Variants in BBX observed in about 807,000 individuals in gnomAD.
BBX encodes the protein HMG box transcription factor BBX.
BBX carries 30 observed loss-of-function variants against 100.2 expected under a neutral mutation model. That is an observed-to-expected ratio of 0.30 (90% CI 0.22 to 0.41). The LOEUF (loss-of-function observed/expected upper bound fraction) is 0.41, where lower values mean the gene tolerates loss of function less well. Ranked by LOEUF, BBX falls within the 10% of genes least tolerant of loss-of-function variation. The probability of loss-of-function intolerance (pLI) is 1.00; values close to 1 mark genes in which losing one functional copy is unlikely to be tolerated. For synonymous variants in BBX, 376 were observed against 388.1 expected, an observed-to-expected ratio of 0.97 and a Z score of 0.37; for missense variants, 1,023 against 1,129.8, an observed-to-expected ratio of 0.91 and a Z score of 1.35.
intron 2 of BBX, among the ~76,000 whole-genome samples, chr3:107,589,352 G>T (rs2053122913): frequency 6.6e-6 from 1 of 152,184 alleles, no homozygotes; most frequent in African/African-American, 2.4e-5. Flanking sequence ...AGAAGAAAAT[G>T]ATTGGTAGAC....
chr3:107,552,855 A>G (rs995951671), intron 2 of BBX, among the ~76,000 whole-genome samples: 1 of 152,222 alleles, frequency 6.6e-6, no homozygotes, highest in Non-Finnish European at 1.5e-5. Context: ...TTGAGAGGCA[A>G]GGAGATACGC....
chr3:107,799,944 C>T (rs994373441), intron 16 of BBX, among the ~76,000 whole-genome samples: 6 of 152,166 alleles, frequency 3.9e-5, no homozygotes, highest in Non-Finnish European at 7.3e-5. Flanking sequence ...CTTTCTGCCT[C>T]TCAGCACCTC....
At chr3:107,529,247 C>G (rs2047989778) in intron 2 of BBX, among the ~76,000 whole-genome samples, 1 of 152,154 alleles carries the variant, frequency 6.6e-6, no homozygotes, top group Admixed American at 6.5e-5. Context: ...TAAGCAGGTG[C>G]TTAACTTAAG....
intron 2 of BBX, among the ~76,000 whole-genome samples, chr3:107,598,745 C>G (rs1424759979): frequency 2.6e-5 from 4 of 152,194 alleles, no homozygotes; most frequent in Admixed American, 6.5e-5. Flanking sequence ...CTACATCACA[C>G]CTTCTGCTGC....
chr3:107,550,638 A>G (rs982492156), intron 2 of BBX, among the ~76,000 whole-genome samples: 31 of 152,228 alleles, frequency 2.0e-4, no homozygotes, highest in African/African-American at 7.5e-4. Flanking sequence ...AAGAGTAACT[A>G]CAAGGGAAAT....
intron 4 of BBX, among the ~76,000 whole-genome samples, chr3:107,713,960 TTTTTTTC>T (rs2061906963): frequency 1.5e-5 from 2 of 135,664 alleles, no homozygotes; most frequent in African/African-American, 2.9e-5. Context: ...TTTTTAATAA[TTTTTTTC>T]TTTTTTTTTT....
intron 2 of BBX, among the ~76,000 whole-genome samples, chr3:107,593,651 GCTCT>G (rs2053487018): frequency 1.3e-5 from 2 of 152,202 alleles, no homozygotes; most frequent in Admixed American, 6.5e-5. Context: ...GGAGTCATCT[GCTCT>G]CTAAGTGGCA....
intron 3 of BBX, among the ~76,000 whole-genome samples, chr3:107,688,553 T>C (rs1576341950): frequency 6.6e-6 from 1 of 152,224 alleles, no homozygotes; most frequent in East Asian, 1.9e-4. Flanking sequence ...AATTCTCCAA[T>C]GGCTTTTATA....
intron 2 of BBX, among the ~76,000 whole-genome samples, chr3:107,559,887 G>A (rs916742952): frequency 2.6e-5 from 4 of 152,200 alleles, no homozygotes; most frequent in African/African-American, 7.2e-5. Flanking sequence ...TGGGACCACA[G>A]CCATACAACA....
intron 4 of BBX, among the ~76,000 whole-genome samples, chr3:107,714,425 C>CA (rs2107349165): frequency 6.6e-6 from 1 of 152,188 alleles, no homozygotes; most frequent in South Asian, 2.1e-4. Context: ...TTCCCCCTCC[C>CA]AAAACATGAG....
At chr3:107,661,704 C>T (rs1308556551) in intron 3 of BBX, 16 of 202,508 alleles carry the variant, frequency 7.9e-5, no homozygotes, top group Non-Finnish European at 1.4e-4. Flanking sequence ...TGCTTAATCT[C>T]TCCATTAACT....
chr3:107,614,540 T>C (rs2055105836), intron 2 of BBX, among the ~76,000 whole-genome samples: 1 of 152,112 alleles, frequency 6.6e-6, no homozygotes, highest in African/African-American at 2.4e-5. Context: ...TCTGTGAAGA[T>C]TCTAGGACCC....
intron 12 of BBX, among the ~76,000 whole-genome samples, chr3:107,775,518 T>C (rs1414840066): frequency 6.6e-6 from 1 of 152,146 alleles, no homozygotes; most frequent in East Asian, 1.9e-4. Flanking sequence ...TACTTTATAC[T>C]GGTGAGGAAA....
At chr3:107,761,272 G>A (rs1305670149) in intron 10 of BBX, among the ~76,000 whole-genome samples, 1 of 152,152 alleles carries the variant, frequency 6.6e-6, no homozygotes, top group Non-Finnish European at 1.5e-5. Context: ...AAGGTAAAGT[G>A]TATCTGTGAG....
intron 2 of BBX, among the ~76,000 whole-genome samples, chr3:107,554,084 G>A (rs1330850482): frequency 6.6e-6 from 1 of 152,164 alleles, no homozygotes; most frequent in African/African-American, 2.4e-5. Flanking sequence ...TGCATCAAAT[G>A]TTGATAGGAA....
chr3:107,533,838 A>G (rs1162762050), intron 2 of BBX, among the ~76,000 whole-genome samples: 4 of 151,982 alleles, frequency 2.6e-5, no homozygotes, highest in Non-Finnish European at 4.4e-5. Flanking sequence ...TTTTCCATCT[A>G]TCAGGAAAAT....
intron 5 of BBX, among the ~76,000 whole-genome samples, chr3:107,726,823 A>G (rs184182966): frequency 1.3e-5 from 2 of 152,158 alleles, no homozygotes; most frequent in Non-Finnish European, 2.9e-5. Context: ...TCTCTCCCCA[A>G]TGTCTGGCAA....
chr3:107,539,425 A>G (rs982003449), intron 2 of BBX, among the ~76,000 whole-genome samples: 15 of 152,092 alleles, frequency 9.9e-5, no homozygotes, highest in Admixed American at 4.6e-4. Flanking sequence ...ATGGAATTGA[A>G]CTTCAAGCTT....
intron 2 of BBX, among the ~76,000 whole-genome samples, chr3:107,587,232 A>G (rs966973701): frequency 3.3e-5 from 5 of 151,888 alleles, no homozygotes; most frequent in Non-Finnish European, 5.9e-5. Context: ...GCTACTTTGC[A>G]GCTACTTTGG....
Sources: allele counts gnomAD v4.1 joint callset (sites outside exome capture counted in the v4.1 genomes callset), GRCh38; gene constraint gnomAD v4.1.1; transcripts MANE v1.5; gene names NCBI Gene and HGNC (gene_info 2026-07-23, HGNC 2026-07-21).